Variants in CCR9 observed in about 807,000 individuals in gnomAD.
The protein encoded by CCR9 is C-C chemokine receptor type 9.
A neutral mutation model predicts 8.7 loss-of-function variants in CCR9; 4 were observed. The observed-to-expected ratio is 0.46, with a 90% CI of 0.23 to 1.06. The LOEUF (loss-of-function observed/expected upper bound fraction) is 1.06, where lower values mean the gene tolerates loss of function less well. Ranked by LOEUF, CCR9 falls within the 50% of genes least tolerant of loss-of-function variation. The pLI is 0.21. For missense variants in CCR9, 394 were observed against 453.6 expected (o/e 0.87, Z 1.19); for synonymous variants, 159 against 168.8 (o/e 0.94, Z 0.45).
At position 45,903,038 on chromosome 3, in the gene CCR9, A is replaced by G. The variant is rs1702606611; in HGVS notation, c.*1140A>G. On this transcript the variant is annotated 3_prime_UTR_variant, in exon 3 of 3. Coordinates refer to ENST00000357632, the MANE Select transcript of CCR9 (RefSeq NM_031200.3). ...TGTCTTTCTTATCATGATTTGGCAA[A>G]ATGCATCACCTTTGAAAATATTTCA... 6.0e-6 allele frequency: 1 copy of G among 167,102 alleles called. No homozygotes were observed. The highest frequency in any genetic ancestry group is 1.5e-5 in the Non-Finnish European group (1 of 68,114). 10.4% of individuals were successfully genotyped at this position (167,102 alleles called of 1,614,324 possible).
intron 2 of CCR9, among the ~76,000 whole-genome samples, chr3:45,899,482 A>G (rs930711842): frequency 1.3e-5 from 2 of 152,256 alleles, no homozygotes; most frequent in African/African-American, 4.8e-5. Context: ...TGTTCAAAAC[A>G]AAATAAAAAC....
intron 1 of CCR9, among the ~76,000 whole-genome samples, chr3:45,889,587 T>G (rs1239958239): frequency 1.3e-5 from 2 of 152,152 alleles, no homozygotes; most frequent in African/African-American, 4.8e-5. Flanking sequence ...AAAATCTAAA[T>G]GAAAACATGA....
chr3:45,898,442 A>G (rs1004687761), intron 2 of CCR9, among the ~76,000 whole-genome samples: 2 of 152,262 alleles, frequency 1.3e-5, no homozygotes, highest in Non-Finnish European at 2.9e-5. Flanking sequence ...TAATCAAGCC[A>G]AGGGACTAAT....
At chr3:45,892,816 T>G (rs1045785026) in intron 1 of CCR9, among the ~76,000 whole-genome samples, 3 of 152,148 alleles carry the variant, frequency 2.0e-5, no homozygotes, top group Non-Finnish European at 2.9e-5. Flanking sequence ...GGCACTCCAG[T>G]GCACTTTTGA....
rs146953350 is a variant in CCR9, at chr3:45,886,923, G to A, written c.-29+268G>A. ...GGCAGTCTGTGATTTATACCTTAAA[G>A]GAAGGAGAAGCAGGTGCTGGGGGAC... On this transcript the variant is annotated intron_variant, in intron 1 of 2. Transcript: ENST00000357632. Among the ~76,000 whole-genome samples the A allele has an allele frequency of 6.1e-4, 93 of 152,308 alleles. 1 individual carries two copies. The East Asian group carries it at 0.016, about 26-fold the overall frequency.
At position 45,900,696 on chromosome 3, in the gene CCR9, G is replaced by A; in HGVS notation, c.22-114G>A. The A allele has an allele frequency of 1.0e-6, 1 of 997,724 alleles. No individual in the cohort carries two copies. Among genetic ancestry groups the A allele is most frequent in the Non-Finnish European group, 1.5e-6 (1 of 673,520 alleles). The allele number at this position is 997,724 out of a possible 1,614,324, so 61.8% of individuals were successfully genotyped here. ...GTCCTCAGAATGCCTATGTGTCTTTGGCCTTATCATAGGTGTTTGGGGTTG... is the reference window on the plus strand; with the variant it reads ...GTCCTCAGAATGCCTATGTGTCTTTAGCCTTATCATAGGTGTTTGGGGTTG... On this transcript the variant is annotated intron_variant, in intron 2 of 2. Coordinates refer to ENST00000357632, the MANE Select transcript of CCR9 (RefSeq NM_031200.3). The surrounding 1 kb of genome is among the most constrained non-coding windows in gnomAD (Gnocchi z 4.7).
chr3:45,895,379 T>C (rs987832831), intron 2 of CCR9, among the ~76,000 whole-genome samples: 1 of 152,218 alleles, frequency 6.6e-6, no homozygotes, highest in Non-Finnish European at 1.5e-5. Flanking sequence ...CACGTAACAG[T>C]ATACATTCCC....
chr3:45,898,314 T>A (rs2125756852), intron 2 of CCR9, among the ~76,000 whole-genome samples: 1 of 152,292 alleles, frequency 6.6e-6, no homozygotes, highest in Middle Eastern at 3.4e-3. Context: ...TTGGGAGGAT[T>A]CTCCTGGCAT....
chr3:45,897,590 TC>T (rs1702398177), intron 2 of CCR9: 1 of 1,535,802 alleles, frequency 6.5e-7, no homozygotes, highest in Non-Finnish European at 8.7e-7. Context: ...CAGATCACCT[TC>T]CCTCGCTGGC....
At chr3:45,896,889 C>T (rs1213227811) in intron 2 of CCR9, among the ~76,000 whole-genome samples, 1 of 152,210 alleles carries the variant, frequency 6.6e-6, no homozygotes, top group Non-Finnish European at 1.5e-5. Flanking sequence ...GTCCATTCCC[C>T]AGAGAGGGGC....
At chr3:45,897,577 C>T in intron 2 of CCR9, 1 of 1,535,830 alleles carries the variant, frequency 6.5e-7, no homozygotes, top group Non-Finnish European at 8.7e-7. Context: ...CCAGGCCCCG[C>T]TCCAGATCAC....
chr3:45,891,085 C>T (rs1197094065), intron 1 of CCR9, among the ~76,000 whole-genome samples: 4 of 152,176 alleles, frequency 2.6e-5, no homozygotes, highest in African/African-American at 9.7e-5. Flanking sequence ...CCTGCAAACA[C>T]GTGTGTTACT....
chr3:45,895,449 G>A (rs529823732), intron 2 of CCR9, among the ~76,000 whole-genome samples: 45 of 152,320 alleles, frequency 3.0e-4, no homozygotes, highest in African/African-American at 1.1e-3. Flanking sequence ...GGTAGCTCAC[G>A]CCTGTAATCC....
At chr3:45,888,879 C>T (rs1702062339) in intron 1 of CCR9, among the ~76,000 whole-genome samples, 1 of 152,170 alleles carries the variant, frequency 6.6e-6, no homozygotes, top group East Asian at 1.9e-4. Context: ...TGTTTTTACT[C>T]TTTGGCTCTC....
At position 45,902,998 on chromosome 3, in the gene CCR9, C is replaced by A. The variant is rs1346341348; in HGVS notation, c.*1100C>A. On this transcript the variant is annotated 3_prime_UTR_variant, in exon 3 of 3. Transcript: ENST00000357632. ...TGAAAAAAATAAGTAATGGAATTCACCTTTGCATCTTTTGTGTCTTTCTTA... is the reference window on the plus strand; with the variant it reads ...TGAAAAAAATAAGTAATGGAATTCAACTTTGCATCTTTTGTGTCTTTCTTA... 1 of 167,084 alleles carries A rather than the reference C, an allele frequency of 6.0e-6. No homozygotes were observed. The highest frequency in any genetic ancestry group is 1.5e-5 in the Non-Finnish European group (1 of 68,122). The allele number at this position is 167,084 out of a possible 1,614,324, so 10.4% of individuals were successfully genotyped here.
At chr3:45,897,811 G>A (rs927038728) in intron 2 of CCR9, among the ~76,000 whole-genome samples, 1 of 151,788 alleles carries the variant, frequency 6.6e-6, no homozygotes, top group African/African-American at 2.4e-5. Context: ...AATCCATGCT[G>A]CTCCTCGCTA....
intron 2 of CCR9, among the ~76,000 whole-genome samples, chr3:45,896,080 T>C (rs1255147394): frequency 6.6e-6 from 1 of 152,212 alleles, no homozygotes; most frequent in Non-Finnish European, 1.5e-5. Context: ...TGCACCTATA[T>C]CCATAACAAC....
intron 1 of CCR9, among the ~76,000 whole-genome samples, chr3:45,891,803 C>T (rs914051158): frequency 7.9e-5 from 12 of 152,192 alleles, no homozygotes; most frequent in African/African-American, 2.9e-4. Context: ...CTTTGTCTCA[C>T]TTGACCTTGA....
intron 1 of CCR9, among the ~76,000 whole-genome samples, chr3:45,891,463 T>A (rs954680158): frequency 6.6e-6 from 1 of 152,184 alleles, no homozygotes; most frequent in Non-Finnish European, 1.5e-5. Flanking sequence ...TTTCATTAAT[T>A]TTTTGCATTT....
Sources: allele counts gnomAD v4.1 joint callset (sites outside exome capture counted in the v4.1 genomes callset), GRCh38; gene constraint gnomAD v4.1.1; non-coding constraint Gnocchi (gnomAD v3.1); transcripts MANE v1.5; gene names NCBI Gene and HGNC (gene_info 2026-07-23, HGNC 2026-07-21).